CDH4: variants seen among roughly 807,000 people sequenced by gnomAD.
CDH4 encodes the protein cadherin 4, also known as cadherin-4.
Under a neutral mutation model 86.0 loss-of-function variants are expected in CDH4, and 33 were observed. The ratio of observed to expected loss-of-function variants is 0.38; its 90% confidence interval spans 0.29 to 0.51. The LOEUF is 0.51. Among genes scored for constraint, CDH4 ranks in the 20% least tolerant of loss-of-function variants. CDH4 has a pLI of 0.86. For missense variants in CDH4, 1,114 were observed against 1,307.4 expected (o/e 0.85, Z 2.28); for synonymous variants, 555 against 549.4 (o/e 1.01, Z -0.14).
In CDH4 at chr20:61,923,436, G is replaced by C; in HGVS notation, c.1375-15G>C. 1 of 1,613,660 alleles carries C rather than the reference G, an allele frequency of 6.2e-7. No individual in the cohort carries two copies. The highest frequency in any genetic ancestry group is 8.5e-7 in the Non-Finnish European group (1 of 1,179,700). On this transcript the variant is annotated splice_polypyrimidine_tract_variant and intron_variant, in intron 9 of 15. Coordinates refer to ENST00000614565, the MANE Select transcript of CDH4 (RefSeq NM_001794.5). ...GCTGTGCCAGGTCACTCCCAGCCCT[G>C]ATCTGTTGTTCCAGGCAGTCGACTA...
At chr20:61,429,739 A>G (rs1254396488) in intron 2 of CDH4, among the ~76,000 whole-genome samples, 1 of 134,528 alleles carries the variant, frequency 7.4e-6, no homozygotes, top group African/African-American at 3.1e-5. Flanking sequence ...GAATAGATGG[A>G]TGGATGGATA....
At chr20:61,750,557 A>T (rs1317754546) in intron 3 of CDH4, among the ~76,000 whole-genome samples, 1 of 152,204 alleles carries the variant, frequency 6.6e-6, no homozygotes, top group African/African-American at 2.4e-5. Flanking sequence ...ATCTTACACA[A>T]ACCTATCCAA....
Position 61,647,891 on chromosome 20 carries a change from G to A in CDH4, c.170-95672G>A, listed in dbSNP as rs117559481. On this transcript the variant is annotated intron_variant, in intron 2 of 15. Transcript: ENST00000614565. Reference sequence around the variant, plus strand: ...GCAGCCATTATCAGAAGCACAAACCGAGACTGGCAGTCTCAGGCCACACTG... The same window carrying A: ...GCAGCCATTATCAGAAGCACAAACCAAGACTGGCAGTCTCAGGCCACACTG... Among the ~76,000 whole-genome samples the A allele has an allele frequency of 2.2e-3, 335 of 152,270 alleles. 5 individuals are homozygous for A. In the East Asian group the frequency reaches 0.031, roughly 14 times the overall value.
intron 2 of CDH4, among the ~76,000 whole-genome samples, chr20:61,627,946 CT>C (rs1055540346): frequency 3.3e-5 from 5 of 152,168 alleles, no homozygotes; most frequent in Non-Finnish European, 7.3e-5. Context: ...CCTGGGCCCC[CT>C]GGCCTTCCCC....
At chr20:61,442,227 A>C (rs549943772) in intron 2 of CDH4, among the ~76,000 whole-genome samples, 1 of 152,342 alleles carries the variant, frequency 6.6e-6, no homozygotes, top group East Asian at 1.9e-4. Flanking sequence ...AACGCAGGGC[A>C]AGCTGGCTCA....
At chr20:61,726,836 CCA>C (rs2088118657) in intron 2 of CDH4, among the ~76,000 whole-genome samples, 1 of 144,954 alleles carries the variant, frequency 6.9e-6, no homozygotes, top group Non-Finnish European at 1.5e-5. Context: ...ACCATCACTG[CCA>C]TCATCACCAT....
intron 2 of CDH4, among the ~76,000 whole-genome samples, chr20:61,275,232 T>C (rs1321154364): frequency 1.4e-4 from 16 of 118,428 alleles, no homozygotes; most frequent in East Asian, 5.7e-4. Flanking sequence ...GAGTACCGTG[T>C]GCAGTTTGGG....
intron 2 of CDH4, among the ~76,000 whole-genome samples, chr20:61,526,723 G>C (rs1456827879): frequency 6.9e-6 from 1 of 144,902 alleles, no homozygotes; most frequent in Non-Finnish European, 1.5e-5. Context: ...TGTTGGATAT[G>C]AGTGATGGGG....
chr20:61,727,330 ATCATCGGTGCCT>A (rs1430041115), intron 2 of CDH4, among the ~76,000 whole-genome samples: 16 of 152,122 alleles, frequency 1.1e-4, no homozygotes, highest in African/African-American at 3.6e-4. Context: ...CATCGGTGCC[ATCATCGGTGCCT>A]TCATCACCAT....
At chr20:61,571,392 T>C (rs116362268) in intron 2 of CDH4, among the ~76,000 whole-genome samples, 2,326 of 152,264 alleles carry the variant, frequency 0.015, 62 homozygotes, top group African/African-American at 0.053. Context: ...GGTGAGCATC[T>C]CCTTGATGCC....
At chr20:61,670,102 G>A (rs1197938659) in intron 2 of CDH4, among the ~76,000 whole-genome samples, 1 of 152,208 alleles carries the variant, frequency 6.6e-6, no homozygotes, top group Non-Finnish European at 1.5e-5. Flanking sequence ...CCAATTGCAG[G>A]CAATAAAACC....
chr20:61,404,316 A>G (rs1400731798), intron 2 of CDH4, among the ~76,000 whole-genome samples: 1 of 152,108 alleles, frequency 6.6e-6, no homozygotes. Flanking sequence ...AGCTGCTGAA[A>G]TCTTAAACAA....
chr20:61,845,975 G>A (rs576480838), intron 5 of CDH4, among the ~76,000 whole-genome samples: 1 of 152,382 alleles, frequency 6.6e-6, no homozygotes, highest in South Asian at 2.1e-4. Flanking sequence ...TTCCACGCCA[G>A]ATCTCAGGCC....
intron 4 of CDH4, among the ~76,000 whole-genome samples, chr20:61,817,500 T>A (rs537967743): frequency 6.2e-4 from 95 of 152,296 alleles, no homozygotes; most frequent in African/African-American, 2.3e-3. Flanking sequence ...TTCTCGCTTT[T>A]TTTTTTATTT....
chr20:61,737,010 G>A lies in CDH4; in HGVS notation c.170-6553G>A, dbSNP rs144883831. ...GGAGAAGGTCGAGGTGCAGGGGCTC[G>A]CCCTGGGACGAGTCCCAGGCTGTTG... On this transcript the variant is annotated intron_variant, in intron 2 of 15. Transcript: ENST00000614565. Among the ~76,000 whole-genome samples the A allele has an allele frequency of 4.6e-5, 7 of 152,288 alleles. 1 individual carries two copies. Among genetic ancestry groups the A allele is most frequent in the East Asian group, 1.9e-4 (1 of 5,164 alleles).
intron 2 of CDH4, among the ~76,000 whole-genome samples, chr20:61,509,066 G>A (rs1414953135): frequency 1.3e-5 from 2 of 152,280 alleles, no homozygotes; most frequent in East Asian, 3.9e-4. Context: ...GGGGTTCACT[G>A]TGCCTGGTTG....
At chr20:61,271,862 C>T (rs1489209441) in intron 2 of CDH4, among the ~76,000 whole-genome samples, 1 of 151,666 alleles carries the variant, frequency 6.6e-6, no homozygotes, top group Non-Finnish European at 1.5e-5. Flanking sequence ...ATTCTGTTTT[C>T]GGGGATAGGC....
intron 2 of CDH4, among the ~76,000 whole-genome samples, chr20:61,452,808 G>A (rs767472789): frequency 1.5e-4 from 23 of 152,300 alleles, no homozygotes; most frequent in Middle Eastern, 3.4e-3. Context: ...CTGGCAGGTG[G>A]AGAAGATATG....
chr20:61,529,142 C>T (rs1425383306), intron 2 of CDH4, among the ~76,000 whole-genome samples: 3 of 152,202 alleles, frequency 2.0e-5, no homozygotes, highest in African/African-American at 7.2e-5. Context: ...CCCAAAGCCA[C>T]CTTTGTAACC....
Sources: allele counts gnomAD v4.1 joint callset (sites outside exome capture counted in the v4.1 genomes callset), GRCh38; gene constraint gnomAD v4.1.1; transcripts MANE v1.5; gene names NCBI Gene and HGNC (gene_info 2026-07-23, HGNC 2026-07-21).